FILIP1: variants seen among roughly 807,000 people sequenced by gnomAD.
The protein encoded by FILIP1 is filamin A interacting protein 1.
In FILIP1, 61 loss-of-function variants were observed where a neutral mutation model predicts 102.1. The ratio of observed to expected loss-of-function variants is 0.60; its 90% CI spans 0.49 to 0.74. The LOEUF is 0.74. Among genes scored for constraint, FILIP1 ranks in the 30% least tolerant of loss-of-function variants. The pLI is 0.00. For synonymous variants in FILIP1, 491 were observed against 526.9 expected (o/e 0.93, Z 0.93); for missense variants, 1,314 against 1,441.2 (o/e 0.91, Z 1.43).
At chr6:75,485,113 T>A (rs1779746845) in intron 1 of FILIP1, among the ~76,000 whole-genome samples, 1 of 152,212 alleles carries the variant, frequency 6.6e-6, no homozygotes, top group African/African-American at 2.4e-5. Context: ...TACACCTTTT[T>A]ACATAAAGAC....
chr6:75,400,710 G>A (rs1776627368), intron 2 of FILIP1, among the ~76,000 whole-genome samples: 2 of 152,104 alleles, frequency 1.3e-5, no homozygotes, highest in South Asian at 4.2e-4. Context: ...TAAAGGCCAT[G>A]GGAGATTCAG....
chr6:75,442,438 C>T (rs1209330594), intron 1 of FILIP1, among the ~76,000 whole-genome samples: 1 of 152,362 alleles, frequency 6.6e-6, no homozygotes, highest in Admixed American at 6.5e-5. Context: ...GCCAAGATCA[C>T]GCCACTGCAC....
At chr6:75,372,740 A>AAGAAAAAG (rs1775605651) in intron 2 of FILIP1, among the ~76,000 whole-genome samples, 2 of 54,640 alleles carry the variant, frequency 3.7e-5, no homozygotes, top group African/African-American at 1.8e-4. Context: ...GAAAGAAAGA[A>AAGAAAAAG]AGAAAGAAAG....
intron 4 of FILIP1, chr6:75,319,104 C>T (rs1773549593): frequency 6.8e-6 from 5 of 730,502 alleles, no homozygotes; most frequent in Non-Finnish European, 1.2e-5. Context: ...CATCTTCCTC[C>T]TCTTCCTTCT....
At chr6:75,294,854 A>T (rs1772629026) in exon 7 of FILIP1, 1 of 139,796 alleles carries the variant, frequency 7.2e-6, no homozygotes, top group Non-Finnish European at 1.5e-5. Flanking sequence ...AATCAGGCCC[A>T]GCTAACTTCT....
exon 7 of FILIP1, chr6:75,295,220 T>G (rs1431946621): frequency 6.6e-6 from 1 of 152,212 alleles, no homozygotes; most frequent in African/African-American, 2.4e-5. Flanking sequence ...TATGAATTTG[T>G]TCTATATAAA....
At chr6:75,344,630 C>A (rs1355460221) in intron 4 of FILIP1, among the ~76,000 whole-genome samples, 1 of 152,194 alleles carries the variant, frequency 6.6e-6, no homozygotes, top group African/African-American at 2.4e-5. Flanking sequence ...GAGGCACTTG[C>A]ACTGGAGACC....
At chr6:75,484,234 C>T (rs1354284798) in intron 1 of FILIP1, among the ~76,000 whole-genome samples, 1 of 152,044 alleles carries the variant, frequency 6.6e-6, no homozygotes, top group Non-Finnish European at 1.5e-5. Context: ...AGGAACACAG[C>T]CACTGCAAGG....
chr6:75,465,894 C>T (rs1171144626), intron 1 of FILIP1, among the ~76,000 whole-genome samples: 1 of 152,108 alleles, frequency 6.6e-6, no homozygotes, highest in African/African-American at 2.4e-5. Flanking sequence ...GCTTGTTGTC[C>T]CCATCTGTTA....
Position 75,317,058 on chromosome 6 carries a change from T to C in FILIP1, c.630-1856A>G, listed in dbSNP as rs142124567. Reference sequence around the variant, plus strand: ...AATATATTTTTAGGAATACTATGCCTCTATACTGTTAGAGGCAGTGGATTG... The same window carrying C: ...AATATATTTTTAGGAATACTATGCCCCTATACTGTTAGAGGCAGTGGATTG... On this transcript the variant is annotated intron_variant, in intron 4 of 5. Transcript: ENST00000237172. 6.4e-3 allele frequency among the ~76,000 whole-genome samples: 975 copies of C among 152,358 alleles called. 11 individuals carry two copies. Among genetic ancestry groups the C allele is most frequent in the African/African-American group, 0.023 (942 of 41,580 alleles).
At chr6:75,335,041 A>C (rs1262193077) in intron 4 of FILIP1, among the ~76,000 whole-genome samples, 1 of 152,114 alleles carries the variant, frequency 6.6e-6, no homozygotes, top group African/African-American at 2.4e-5. Context: ...ATATGCATAA[A>C]ATGTCAAATG....
At chr6:75,350,099 T>C (rs1053188335) in intron 4 of FILIP1, among the ~76,000 whole-genome samples, 5 of 151,810 alleles carry the variant, frequency 3.3e-5, no homozygotes, top group African/African-American at 1.2e-4. Context: ...ATCAATCAGG[T>C]CCTACTAGGG....
At chr6:75,376,677 C>T (rs185852808) in intron 2 of FILIP1, among the ~76,000 whole-genome samples, 4 of 152,292 alleles carry the variant, frequency 2.6e-5, no homozygotes, top group Admixed American at 2.6e-4. Flanking sequence ...TTTCCATAAA[C>T]TGAACCAATA....
chr6:75,394,909 A>C (rs934300025), intron 2 of FILIP1, among the ~76,000 whole-genome samples: 2 of 152,166 alleles, frequency 1.3e-5, no homozygotes, highest in Admixed American at 1.3e-4. Context: ...AATTTAATGA[A>C]GAGAAATACT....
chr6:75,394,649 CAA>C (rs1776402476), intron 2 of FILIP1, among the ~76,000 whole-genome samples: 1 of 152,058 alleles, frequency 6.6e-6, no homozygotes, highest in African/African-American at 2.4e-5. Flanking sequence ...ACAGAAAAAG[CAA>C]TACAAATGTC....
At chr6:75,440,273 T>C (rs1213683508) in intron 1 of FILIP1, among the ~76,000 whole-genome samples, 1 of 152,182 alleles carries the variant, frequency 6.6e-6, no homozygotes, top group Non-Finnish European at 1.5e-5. Context: ...TACAAGCTGA[T>C]CTTTTAAAAT....
At position 75,403,677 on chromosome 6, in the gene FILIP1, A is replaced by T. The variant is rs547466674; in HGVS notation, c.276+11020T>A. Reference sequence around the variant, plus strand: ...ATGTGAGTATGGGGAAAAAATGTAGAGACTGCCTGATTAGATAGGAATGGT... The same window carrying T: ...ATGTGAGTATGGGGAAAAAATGTAGTGACTGCCTGATTAGATAGGAATGGT... On this transcript the variant is annotated intron_variant, in intron 2 of 5. Transcript: ENST00000237172. Among the ~76,000 whole-genome samples the T allele has an allele frequency of 2.0e-5, 3 of 152,242 alleles. No homozygotes were observed. In the South Asian group the frequency reaches 6.2e-4, roughly 32 times the overall value.
At chr6:75,445,094 C>G (rs1778402523) in intron 1 of FILIP1, among the ~76,000 whole-genome samples, 1 of 152,042 alleles carries the variant, frequency 6.6e-6, no homozygotes, top group Non-Finnish European at 1.5e-5. Flanking sequence ...ACTCCTACCT[C>G]CATCCCCTCT....
intron 3 of FILIP1, chr6:75,361,831 A>G (rs935251559): frequency 6.6e-6 from 1 of 152,194 alleles, no homozygotes; most frequent in South Asian, 2.1e-4. Context: ...CCTATCTTAT[A>G]ATCATCTCTT....
Sources: allele counts gnomAD v4.1 joint callset (sites outside exome capture counted in the v4.1 genomes callset), GRCh38; gene constraint gnomAD v4.1.1; transcripts MANE v1.5; gene names NCBI Gene and HGNC (gene_info 2026-07-23, HGNC 2026-07-21).